Variants in COMP observed in about 807,000 individuals in gnomAD.
COMP encodes the protein cartilage oligomeric matrix protein, also known as cartilage oligomeric matrix protein (pseudoachondroplasia, epiphyseal dysplasia 1, multiple).
Under a neutral mutation model 95.8 loss-of-function variants are expected in COMP, and 79 were observed. The ratio of observed to expected loss-of-function variants is 0.82; its 90% CI spans 0.69 to 0.99. COMP has a LOEUF of 0.99. Among genes scored for constraint, COMP ranks in the 50% least tolerant of loss-of-function variants. The pLI is 0.00. For missense variants in COMP, 906 were observed against 1,076.1 expected (o/e 0.84, Z 2.21); for synonymous variants, 438 against 433.9 (o/e 1.01, Z -0.12).
intron 3 of COMP, 148 bp downstream of exon 3, chr19:18,790,414 A>C: frequency 9.7e-7 from 1 of 1,028,480 alleles, no homozygotes; most frequent in South Asian, 1.3e-5. Flanking sequence ...TACACACCCC[A>C]TCCCATTCCC....
chr19:18,785,159 G>T, intron 15 of COMP, 67 bp from the exon 16 acceptor site: 1 of 1,520,050 alleles, frequency 6.6e-7, no homozygotes. Flanking sequence ...CTGGCACCCA[G>T]AACCCAAACC....
chr19:18,786,326 A>G, intron 11 of COMP, 35 bp from the exon 12 acceptor site: 1 of 1,613,298 alleles, frequency 6.2e-7, no homozygotes, highest in South Asian at 1.1e-5. Context: ...CCATAATCAG[A>G]CAGAGGAAAT....
In COMP at chr19:18,788,226, C is replaced by A. The variant is rs775590508; in HGVS notation, c.961G>T (p.Val321Phe). 5.6e-6 allele frequency: 9 copies of A among 1,613,072 alleles called. No homozygotes were observed. Among genetic ancestry groups the A allele is most frequent in the South Asian group, 4.4e-5 (4 of 91,080 alleles). The change falls in exon 9 of 19, where the codon GTC (valine) becomes TTC (phenylalanine). Residue 321 changes from valine (V) to phenylalanine (F), a missense_variant. Physicochemically the swap from Val to Phe is conservative, Grantham distance 50. Coordinates refer to ENST00000222271, the MANE Select transcript of COMP (RefSeq NM_000095.3). The surrounding 1 kb of genome is among the most constrained non-coding windows in gnomAD (Gnocchi z 4.7). ...CGTAGATCTACCTTTTCATTGGGGACCCCGTCCCCGTCGGCATCCGGATCG... is the reference window on the plus strand; with the variant it reads ...CGTAGATCTACCTTTTCATTGGGGAACCCGTCCCCGTCGGCATCCGGATCG... The part of the protein sequence containing the change: ...ACDPDADGDG[V>F]PNEKDNCPLV...
At chr19:18,787,346 G>T in intron 10 of COMP, 145 bp downstream of exon 10, 2 of 1,167,124 alleles carry the variant, frequency 1.7e-6, no homozygotes, top group Admixed American at 2.2e-5. Context: ...TTTTTCTGGC[G>T]CCCCACCATG....
chr19:18,791,000 G>A lies in COMP; in HGVS notation c.80-65C>T, dbSNP rs2055209563. ...GGGAATCCCACCACCAACTCCCACC[G>A]TTGCAGCGAACCCGGACCTCCGAGG... On this transcript the variant is annotated intron_variant, in intron 1 of 18. Coordinates refer to ENST00000222271, the MANE Select transcript of COMP (RefSeq NM_000095.3). 12 of 1,539,368 alleles carry A rather than the reference G, an allele frequency of 7.8e-6. No individual in the cohort carries two copies. In the Admixed American group the frequency reaches 2.2e-4, roughly 28 times the overall value.
At chr19:18,787,447 G>C in intron 10 of COMP, 44 bp downstream of exon 10, 1 of 1,603,864 alleles carries the variant, frequency 6.2e-7, no homozygotes, top group Non-Finnish European at 8.5e-7. Context: ...CCGCCCTTCG[G>C]TGCCCGCCGC....
At position 18,784,865 on chromosome 19, in the gene COMP, C is replaced by A; in HGVS notation, c.1914+31G>T. 6.2e-7 allele frequency: 1 copy of A among 1,611,078 alleles called. No homozygotes were observed. On this transcript the variant is annotated intron_variant, in intron 16 of 18. Transcript: ENST00000222271. This position sits in a 1 kb window ranked among gnomAD's most constrained non-coding sequence, Gnocchi z 4.9. ...GAGGGTCATGGGAGGGCATGAGGAC[C>A]GCAGAGGTCAGGCACGGACGGCCCT...
In COMP at chr19:18,789,081, T is replaced by C. The variant is rs2053606970; in HGVS notation, c.528+79A>G. 6.4e-7 allele frequency: 1 copy of C among 1,558,906 alleles called. No individual in the cohort carries two copies. Among genetic ancestry groups the C allele is most frequent in the Non-Finnish European group, 8.7e-7 (1 of 1,151,394 alleles). On this transcript the variant is annotated intron_variant, in intron 5 of 18. Transcript: ENST00000222271. This position sits in a 1 kb window ranked among gnomAD's most constrained non-coding sequence, Gnocchi z 6.1. ...CCCACCCCTCCCGCTGGAAGGAGGC[T>C]GGAAGAGGAGTTTACTGGTAAACAA...
chr19:18,783,900 G>A (rs919476312), intron 17 of COMP, among the ~76,000 whole-genome samples: 17 of 152,258 alleles, frequency 1.1e-4, no homozygotes, highest in Admixed American at 1.0e-3. Flanking sequence ...ATGAGCCACT[G>A]CGCCTGGCCT....
At position 18,782,917 on chromosome 19, in the gene COMP, A is replaced by G. The variant is rs2055134120; in HGVS notation, c.2272T>C (p.Ter758GlnextTer4). Residue 758 changes from the stop codon to glutamine, a stop_lost, in exon 19 of 19, where the codon TAG (stop) becomes CAG (glutamine). Transcript: ENST00000222271. ...CCGGCGGGTCCTCACCCTGGTCCCT[A>G]GGCTTGCCGCAGCTGATGGGTCTCA... ...DYETHQLRQA[*>Q] 1.9e-6 allele frequency: 3 copies of G among 1,611,490 alleles called. No individual in the cohort carries two copies. Among genetic ancestry groups the G allele is most frequent in the Non-Finnish European group, 1.7e-6 (2 of 1,179,960 alleles).
Position 18,784,136 on chromosome 19 carries a change from C to T in COMP, c.2087+55G>A. The T allele has an allele frequency of 6.2e-7, 1 of 1,601,498 alleles. No homozygotes were observed. The highest frequency in any genetic ancestry group is 8.5e-7 in the Non-Finnish European group (1 of 1,170,630). On this transcript the variant is annotated intron_variant, in intron 17 of 18. Coordinates refer to ENST00000222271, the MANE Select transcript of COMP (RefSeq NM_000095.3). This position sits in a 1 kb window ranked among gnomAD's most constrained non-coding sequence, Gnocchi z 4.9. The stretch of plus-strand genomic sequence containing the variant: ...CAGCCCCTGCCTGGCCAGGGCACTC[C>T]CACCTGGGCCTGTGTGTCCCCAGCC...
intron 2 of COMP, 106 bp downstream of exon 2, chr19:18,790,744 C>T (rs2055206905): frequency 1.2e-6 from 2 of 1,605,652 alleles, no homozygotes; most frequent in East Asian, 2.2e-5. Context: ...ACCCCCTTCC[C>T]TCCCCATCTC....
At chr19:18,785,635 T>TA in intron 14 of COMP, 38 bp downstream of exon 14, 1 of 1,613,412 alleles carries the variant, frequency 6.2e-7, no homozygotes, top group Admixed American at 1.7e-5. Context: ...GTGGGGGTTC[T>TA]AGGGTCCCAT....
At chr19:18,787,800 C>A in intron 9 of COMP, 150 bp from the exon 10 acceptor site, 1 of 945,610 alleles carries the variant, frequency 1.1e-6, no homozygotes, top group Admixed American at 1.9e-5. Context: ...ATCCAAGCCA[C>A]GCCCCATCCC....
intron 15 of COMP, 45 bp from the exon 16 acceptor site, chr19:18,785,137 A>C (rs2055155558): frequency 1.3e-6 from 2 of 1,596,118 alleles, no homozygotes; most frequent in Non-Finnish European, 1.7e-6. Flanking sequence ...CGCCAGCCCC[A>C]GCCCCCGGAA....
chr19:18,783,465 A>G (rs564501649), intron 17 of COMP, among the ~76,000 whole-genome samples: 14 of 152,248 alleles, frequency 9.2e-5, no homozygotes, highest in African/African-American at 3.4e-4. Flanking sequence ...CTGGATACAC[A>G]CTGTGTGCTG....
At position 18,790,129 on chromosome 19, in the gene COMP, G is replaced by T. The variant is rs542886784; in HGVS notation, c.218-15C>A. 4.3e-4 allele frequency: 657 copies of T among 1,519,098 alleles called. 3 individuals are homozygous for T. In the African/African-American group the frequency reaches 5.6e-3, roughly 13 times the overall value. 94.1% of individuals were successfully genotyped at this position (1,519,098 alleles called of 1,614,324 possible). ...CTGCTGCATCCCTGCGGGGGGGAGG[G>T]GGGAGAAGCGGCGGGGCTGATCGGT... On this transcript the variant is annotated splice_polypyrimidine_tract_variant and intron_variant, in intron 3 of 18. Transcript: ENST00000222271.
At position 18,790,017 on chromosome 19, in the gene COMP, C is replaced by T. The variant is rs766256710; in HGVS notation, c.315G>A (p.Thr105=). 2 of 1,585,346 alleles carry T rather than the reference C, an allele frequency of 1.3e-6. No homozygotes were observed. Among genetic ancestry groups the T allele is most frequent in the South Asian group, 2.3e-5 (2 of 88,692 alleles). The change falls in exon 4 of 19, where the codon ACG becomes ACA. Residue 105 remains threonine (T), a synonymous_variant. Transcript: ENST00000222271. The part of the protein sequence containing the change: ...FCFPGVACIQ[T]ESGARCGPCP... ...AGGGGCCGCAGCGCGCGCCGCTCTCCGTCTGGATGCAGGCCACGCCGGGGA... is the reference window on the plus strand; with the variant it reads ...AGGGGCCGCAGCGCGCGCCGCTCTCTGTCTGGATGCAGGCCACGCCGGGGA...
At chr19:18,790,424 C>T (rs2055204553) in intron 3 of COMP, 138 bp downstream of exon 3, 1 of 1,106,298 alleles carries the variant, frequency 9.0e-7, no homozygotes, top group Non-Finnish European at 1.4e-6. Flanking sequence ...ATCCCATTCC[C>T]GTTCGTCCGT....
Sources: allele counts gnomAD v4.1 joint callset (sites outside exome capture counted in the v4.1 genomes callset), GRCh38; gene constraint gnomAD v4.1.1; non-coding constraint Gnocchi (gnomAD v3.1); transcripts MANE v1.5; gene names NCBI Gene and HGNC (gene_info 2026-07-23, HGNC 2026-07-21).